The following RLIG1 variants were observed in gnomAD, a reference collection of about 807,000 sequenced individuals.
RLIG1 encodes RNA 5'-phosphate and 3'-OH ligase 1.
chr12:88,048,360 C>T, the RLIG1 span: 1 of 1,594,568 alleles, frequency 6.3e-7, no homozygotes, highest in Non-Finnish European at 8.5e-7. Flanking sequence ...TTTGTTTAAT[C>T]ATTTTTTAAA....
chr12:88,035,542 T>G, the RLIG1 span: 6 of 1,147,350 alleles, frequency 5.2e-6, no homozygotes, highest in East Asian at 2.7e-5. Context: ...GGGCGCGGAG[T>G]GTGCGTGGCC....
At chr12:88,036,047 C>T in the RLIG1 span, 4 of 1,428,380 alleles carry the variant, frequency 2.8e-6, no homozygotes, top group South Asian at 3.6e-5. Context: ...TTCAGGTCAG[C>T]ACCTTTTGGG....
At chr12:88,041,505 A>G in the RLIG1 span, among the ~76,000 whole-genome samples, 21 of 152,334 alleles carry the variant, frequency 1.4e-4, no homozygotes, top group Middle Eastern at 6.8e-3. Context: ...ACTGTTTTGC[A>G]TAGTGGCTGC....
At chr12:88,035,587 G>A in the RLIG1 span, 4 of 1,527,614 alleles carry the variant, frequency 2.6e-6, no homozygotes, top group Non-Finnish European at 1.8e-6. Context: ...GGGCTTCTCC[G>A]CGACTGGACC....
At chr12:88,047,636 A>G in the RLIG1 span, among the ~76,000 whole-genome samples, 1 of 152,146 alleles carries the variant, frequency 6.6e-6, no homozygotes, top group Non-Finnish European at 1.5e-5. Flanking sequence ...ACCCTCCAAA[A>G]ATAGTATCTT....
chr12:88,048,594 A>AAATT, the RLIG1 span: 8 of 462,758 alleles, frequency 1.7e-5, no homozygotes, highest in African/African-American at 4.2e-5. Flanking sequence ...AAAAACCAGC[A>AAATT]AATTAATTTT....
chr12:88,048,962 A>C, the RLIG1 span: 172 of 338,358 alleles, frequency 5.1e-4, no homozygotes, highest in African/African-American at 3.2e-3. Flanking sequence ...AATTCACCAG[A>C]GCTCACTGCC....
chr12:88,038,153 G>A, the RLIG1 span, among the ~76,000 whole-genome samples: 1 of 152,222 alleles, frequency 6.6e-6, no homozygotes, highest in East Asian at 1.9e-4. Flanking sequence ...CAAAGACATA[G>A]AACTAAAATG....
the RLIG1 span, chr12:88,035,613 G>A: frequency 6.4e-7 from 1 of 1,570,574 alleles, no homozygotes; most frequent in Non-Finnish European, 8.6e-7. Context: ...CCGCTCGAAA[G>A]CACGCCCTCC....
the RLIG1 span, chr12:88,040,107 CT>C: frequency 9.4e-7 from 1 of 1,063,354 alleles, no homozygotes; most frequent in South Asian, 1.3e-5. Flanking sequence ...GACATAGAGG[CT>C]ATCTATCTTA....
chr12:88,046,045 C>T, the RLIG1 span, among the ~76,000 whole-genome samples: 1 of 151,900 alleles, frequency 6.6e-6, no homozygotes, highest in Non-Finnish European at 1.5e-5. Flanking sequence ...AGTTGTAACC[C>T]CCTTGCTTTT....
chr12:88,036,027 T>A, the RLIG1 span: 1 of 1,465,148 alleles, frequency 6.8e-7, no homozygotes, highest in Non-Finnish European at 9.1e-7. Flanking sequence ...CCACAGCATG[T>A]CCCTTCCTTT....
the RLIG1 span, chr12:88,049,654 T>C: frequency 2.9e-6 from 1 of 340,342 alleles, no homozygotes; most frequent in East Asian, 6.6e-5. Flanking sequence ...GACTAAAATT[T>C]ATCATCTCTT....
the RLIG1 span, among the ~76,000 whole-genome samples, chr12:88,041,379 G>T: frequency 6.6e-6 from 1 of 152,104 alleles, no homozygotes; most frequent in Non-Finnish European, 1.5e-5. Context: ...TTCATCTTTT[G>T]ACTATTGCGA....
chr12:88,048,650 G>A, the RLIG1 span: 1 of 301,044 alleles, frequency 3.3e-6, no homozygotes, highest in Non-Finnish European at 6.0e-6. Flanking sequence ...TCCTAAGCTT[G>A]GACAAAGGCT....
chr12:88,048,228 T>G, the RLIG1 span: 2 of 1,541,136 alleles, frequency 1.3e-6, no homozygotes, highest in Non-Finnish European at 1.7e-6. Context: ...TTTTTTCTCT[T>G]TCCAGGTCCA....
chr12:88,044,166 C>A, the RLIG1 span: 1 of 165,458 alleles, frequency 6.0e-6, no homozygotes, highest in Non-Finnish European at 1.3e-5. Flanking sequence ...CTCAGCTACT[C>A]GGGAGACTAA....
the RLIG1 span, chr12:88,042,792 A>G: frequency 2.9e-6 from 4 of 1,370,710 alleles, no homozygotes; most frequent in Admixed American, 1.1e-4. Flanking sequence ...TTTTGTTTGC[A>G]TCATACTTTT....
At chr12:88,046,710 C>A in the RLIG1 span, 1 of 1,135,558 alleles carries the variant, frequency 8.8e-7, no homozygotes, top group Non-Finnish European at 1.3e-6. Context: ...TACCTTTATT[C>A]CTAAGTGTTT....
Sources: allele counts gnomAD v4.1 joint callset (sites outside exome capture counted in the v4.1 genomes callset), GRCh38; gene constraint gnomAD v4.1.1; transcripts MANE v1.5; gene names NCBI Gene and HGNC (gene_info 2026-07-23, HGNC 2026-07-21).